SCFD2: variants seen among roughly 807,000 people sequenced by gnomAD.
The protein encoded by SCFD2 is sec1 family domain containing 2, also known as sec1 family domain-containing protein 2.
A neutral mutation model predicts 58.9 loss-of-function variants in SCFD2; 54 were observed. That is an observed-to-expected ratio of 0.92 (90% CI 0.74 to 1.15). The LOEUF is 1.15. Ranked by LOEUF, SCFD2 falls within the 50% of genes most tolerant of loss-of-function variation. The pLI is 0.00. For synonymous variants in SCFD2, 321 were observed against 335.9 expected, an observed-to-expected ratio of 0.96 and a Z score of 0.49; for missense variants, 805 against 836.6, an observed-to-expected ratio of 0.96 and a Z score of 0.47.
chr4:53,248,353 C>A (rs1219245181), intron 4 of SCFD2, among the ~76,000 whole-genome samples: 1 of 152,206 alleles, frequency 6.6e-6, no homozygotes, highest in African/African-American at 2.4e-5. Context: ...GGGAGGGGCG[C>A]CCGCCATTGC....
At chr4:53,354,792 A>AT (rs57890239) in intron 1 of SCFD2, among the ~76,000 whole-genome samples, 17,222 of 149,534 alleles carry the variant, frequency 0.12, 1,078 homozygotes, top group East Asian at 0.16. Context: ...TTTTTCTTCT[A>AT]TTTTTTTTTC....
chr4:53,242,770 G>A (rs181188758), intron 4 of SCFD2, among the ~76,000 whole-genome samples: 2 of 152,282 alleles, frequency 1.3e-5, no homozygotes, highest in Admixed American at 1.3e-4. Flanking sequence ...AAAATAGCCA[G>A]TATAAAGAAG....
At chr4:53,327,976 A>G (rs372963242) in intron 2 of SCFD2, among the ~76,000 whole-genome samples, 5 of 151,994 alleles carry the variant, frequency 3.3e-5, no homozygotes, top group African/African-American at 1.2e-4. Context: ...TAAAAATACA[A>G]AAAAAAGAAA....
intron 3 of SCFD2, among the ~76,000 whole-genome samples, chr4:53,300,746 T>A (rs1732250536): frequency 6.6e-6 from 1 of 152,156 alleles, no homozygotes; most frequent in African/African-American, 2.4e-5. Flanking sequence ...TATAACAAAC[T>A]GTCTCTCAGA....
chr4:53,228,381 C>A (rs1241137126), intron 4 of SCFD2, among the ~76,000 whole-genome samples: 1 of 152,166 alleles, frequency 6.6e-6, no homozygotes, highest in African/African-American at 2.4e-5. Context: ...CAGCTATAGT[C>A]ATCCTTCTTC....
At chr4:53,177,995 A>G (rs1447377536) in intron 4 of SCFD2, among the ~76,000 whole-genome samples, 1 of 152,198 alleles carries the variant, frequency 6.6e-6, no homozygotes, top group African/African-American at 2.4e-5. Context: ...TTGATTAGGT[A>G]AACAAAGTGG....
chr4:52,932,374 G>A (rs914085967), intron 5 of SCFD2, among the ~76,000 whole-genome samples: 3 of 152,150 alleles, frequency 2.0e-5, no homozygotes, highest in African/African-American at 7.2e-5. Context: ...ACCAAGTCAT[G>A]GCATACTTAA....
intron 5 of SCFD2, among the ~76,000 whole-genome samples, chr4:53,073,596 T>C (rs1723887184): frequency 6.6e-6 from 1 of 152,088 alleles, no homozygotes; most frequent in African/African-American, 2.4e-5. Context: ...AAAGAAAAGG[T>C]GGAAGACTTT....
chr4:53,237,522 A>ATG (rs1560402757), intron 4 of SCFD2, among the ~76,000 whole-genome samples: 1 of 45,338 alleles, frequency 2.2e-5, no homozygotes, highest in Non-Finnish European at 3.9e-5. Context: ...CGGGGGGCTG[A>ATG]CCCCCACCTC....
intron 5 of SCFD2, among the ~76,000 whole-genome samples, chr4:53,030,199 T>C (rs1247402677): frequency 1.3e-5 from 2 of 152,110 alleles, no homozygotes; most frequent in African/African-American, 2.4e-5. Flanking sequence ...GATATATGAA[T>C]GGCAAATAAG....
At chr4:53,105,804 C>T (rs1407090158) in intron 5 of SCFD2, among the ~76,000 whole-genome samples, 5 of 152,172 alleles carry the variant, frequency 3.3e-5, no homozygotes, top group African/African-American at 1.2e-4. Flanking sequence ...CTGAAGAGAG[C>T]AGCAGAAGTC....
chr4:53,352,852 A>T, intron 1 of SCFD2, 86 bp from the exon 2 acceptor site: 1 of 1,136,126 alleles, frequency 8.8e-7, no homozygotes, highest in Non-Finnish European at 1.3e-6. Flanking sequence ...ACCTTCTATC[A>T]AAAATAACAT....
intron 4 of SCFD2, among the ~76,000 whole-genome samples, chr4:53,200,854 C>A (rs1173580081): frequency 2.5e-4 from 37 of 150,298 alleles, no homozygotes; most frequent in Admixed American, 2.4e-3. Context: ...TTCAGTCATT[C>A]ATCTCTATGC....
At chr4:53,287,836 AT>A (rs1160067482) in intron 3 of SCFD2, among the ~76,000 whole-genome samples, 1 of 152,242 alleles carries the variant, frequency 6.6e-6, no homozygotes, top group East Asian at 1.9e-4. Context: ...AGACAATTGA[AT>A]TAAACCAGAA....
At chr4:53,106,661 TAGAGA>T (rs1195859652) in intron 5 of SCFD2, among the ~76,000 whole-genome samples, 1 of 151,820 alleles carries the variant, frequency 6.6e-6, no homozygotes, top group African/African-American at 2.4e-5. Flanking sequence ...AAGAAAAGAT[TAGAGA>T]AAAGAGAATG....
At chr4:53,199,575 A>C (rs991753702) in intron 4 of SCFD2, among the ~76,000 whole-genome samples, 1 of 152,150 alleles carries the variant, frequency 6.6e-6, no homozygotes, top group African/African-American at 2.4e-5. Flanking sequence ...AGATAGCCTC[A>C]GGATGGGGCT....
intron 5 of SCFD2, among the ~76,000 whole-genome samples, chr4:53,140,338 A>AT (rs1726091416): frequency 6.9e-6 from 1 of 145,574 alleles, no homozygotes. Flanking sequence ...TGTTATTGTG[A>AT]TTGAGTCCAA....
rs1321244328 is a variant in SCFD2 at position 53,352,592 on chromosome 4, T to C, written c.1007+6A>G. 4 of 1,608,516 alleles carry C rather than the reference T, an allele frequency of 2.5e-6. No homozygotes were observed. Among genetic ancestry groups the C allele is most frequent in the Admixed American group, 3.3e-5 (2 of 59,916 alleles). On this transcript the variant is annotated splice_donor_region_variant and intron_variant, in intron 2 of 8. Coordinates refer to ENST00000401642, the MANE Select transcript of SCFD2 (RefSeq NM_152540.4). Reference sequence around the variant, plus strand: ...AAGATAAGATGACAAAAACTATATATCTTACCTGGATTGTGAAAGACAGCC... The same window carrying C: ...AAGATAAGATGACAAAAACTATATACCTTACCTGGATTGTGAAAGACAGCC...
At chr4:52,907,710 G>A (rs1577817788) in intron 6 of SCFD2, 119 bp from the exon 7 acceptor site, 7 of 183,424 alleles carry the variant, frequency 3.8e-5, no homozygotes, top group East Asian at 1.1e-4. Flanking sequence ...ATGCCTATAT[G>A]TGTGTGTGTG....
Sources: gnomAD v4.1 joint callset for allele counts (sites outside exome capture counted in the v4.1 genomes callset) on GRCh38, gnomAD v4.1.1 for gene constraint, MANE v1.5 for transcripts, NCBI Gene and HGNC (gene_info 2026-07-23, HGNC 2026-07-21) for gene names.